The following PGC variants were observed in gnomAD, a reference collection of about 807,000 sequenced individuals.
PGC encodes the protein progastricsin.
In PGC, 31 loss-of-function variants were observed where a neutral mutation model predicts 45.9. That is an observed-to-expected ratio of 0.67 (90% confidence interval 0.51 to 0.91). The LOEUF is 0.91. PGC is among the 40% of genes least tolerant of loss of function. The probability of loss-of-function intolerance (pLI) is 0.00; values close to 1 mark genes in which losing one functional copy is unlikely to be tolerated. For missense variants in PGC, 477 were observed against 493.2 expected, an observed-to-expected ratio of 0.97 and a Z score of 0.31; for synonymous variants, 192 against 201.8, an observed-to-expected ratio of 0.95 and a Z score of 0.41.
Position 41,742,391 on chromosome 6 carries a change from CA to C in PGC, c.545del (p.Leu182ArgfsTer108). 4 of 1,614,162 alleles carry C rather than the reference CA, an allele frequency of 2.5e-6. No individual in the cohort carries two copies. The highest frequency in any genetic ancestry group is 3.4e-6 in the Non-Finnish European group (4 of 1,180,022). ...CATCCACGGACAGAGCAGGGTAGGC[CA>C]GGCCCATGATGCCATCAAACTGCGC... ...VYAQFDGIMG[L>X]AYPALSVDEA... On this transcript the variant is annotated frameshift_variant, in exon 5 of 9. Coordinates refer to ENST00000373025, the MANE Select transcript of PGC (RefSeq NM_002630.4). LOFTEE classifies it high-confidence loss of function.
At chr6:41,745,113 C>G (rs1319223722) in intron 1 of PGC, among the ~76,000 whole-genome samples, 2 of 152,138 alleles carry the variant, frequency 1.3e-5, no homozygotes, top group Non-Finnish European at 2.9e-5. Flanking sequence ...ATTCATTTCA[C>G]CATGCATGCA....
At chr6:41,738,255 T>TATATATGCATATATATATGC (rs1771753548) in intron 7 of PGC, among the ~76,000 whole-genome samples, 1 of 10,284 alleles carries the variant, frequency 9.7e-5, no homozygotes, top group Non-Finnish European at 2.6e-4. Context: ...TATATGCATA[T>TATATATGCATATATATATGC]ATATATATGC....
At chr6:41,738,146 A>ATATATATATGCATATATATACG (rs1771728457) in intron 7 of PGC, among the ~76,000 whole-genome samples, 2 of 56,220 alleles carry the variant, frequency 3.6e-5, no homozygotes, top group African/African-American at 1.3e-4. Flanking sequence ...ATATATATGC[A>ATATATATATGCATATATATACG]TATATATATA....
chr6:41,745,833 G>A (rs1022852784), intron 1 of PGC, among the ~76,000 whole-genome samples: 1 of 151,636 alleles, frequency 6.6e-6, no homozygotes, highest in Non-Finnish European at 1.5e-5. Flanking sequence ...ACAGGCGTGA[G>A]CCACTGCGCC....
intron 1 of PGC, among the ~76,000 whole-genome samples, chr6:41,746,335 G>C (rs942986892): frequency 4.6e-5 from 7 of 152,190 alleles, no homozygotes; most frequent in Non-Finnish European, 1.0e-4. Context: ...GCTGCTAATC[G>C]CATGGCCTAG....
chr6:41,744,301 C>G lies in PGC; in HGVS notation c.328+96G>C. 1 of 812,140 alleles carries G rather than the reference C, an allele frequency of 1.2e-6. No individual in the cohort carries two copies. Among genetic ancestry groups the G allele is most frequent in the Middle Eastern group, 3.9e-4 (1 of 2,596 alleles). 50.3% of individuals were successfully genotyped at this position (812,140 alleles called of 1,614,324 possible). A position where few individuals can be genotyped will look rare whatever the true frequency, so the allele number is the denominator to read the frequency against. ...TGGTCCTCCCCAGGACTGAGCTCCC[C>G]TCAGTCCTGAGCTCCCTCTGGAAGT... is the stretch of plus-strand genomic sequence containing the variant. On this transcript the variant is annotated intron_variant, in intron 3 of 8. Transcript: ENST00000373025. This position sits in a 1 kb window ranked among gnomAD's most constrained non-coding sequence, Gnocchi z 4.4.
chr6:41,740,789 G>T (rs1447574946), intron 5 of PGC, 179 bp from the exon 6 acceptor site: 3 of 1,428,936 alleles, frequency 2.1e-6, no homozygotes, highest in African/African-American at 1.4e-5. Context: ...GTATCCCTTA[G>T]ATTGGAGCTC....
chr6:41,737,650 G>A (rs1459673439), intron 8 of PGC, 80 bp downstream of exon 8: 11 of 812,642 alleles, frequency 1.4e-5, no homozygotes, highest in Non-Finnish European at 2.2e-5. Flanking sequence ...CACAAGGCAG[G>A]AGACCCAGCA....
At chr6:41,741,885 T>A in intron 5 of PGC, 1 of 1,423,644 alleles carries the variant, frequency 7.0e-7, no homozygotes, top group Non-Finnish European at 9.6e-7. Context: ...TACATTACTA[T>A]GCAAAAGAGG....
At chr6:41,741,102 G>A in intron 5 of PGC, 3 of 1,537,094 alleles carry the variant, frequency 2.0e-6, no homozygotes, top group Non-Finnish European at 2.6e-6. Flanking sequence ...CCCCACCCCG[G>A]CCCAGCTTGT....
chr6:41,745,740 G>A (rs1771920286), intron 1 of PGC, among the ~76,000 whole-genome samples: 1 of 150,682 alleles, frequency 6.6e-6, no homozygotes, highest in Non-Finnish European at 1.5e-5. Flanking sequence ...GTAGAGATAG[G>A]GTTTCTCTAT....
intron 4 of PGC, among the ~76,000 whole-genome samples, 173 bp from the exon 5 acceptor site, chr6:41,742,662 G>A (rs1386598932): frequency 1.3e-5 from 2 of 152,136 alleles, no homozygotes; most frequent in Non-Finnish European, 2.9e-5. Context: ...GTCTCGCCCT[G>A]TCACCAGGCT....
At position 41,743,318 on chromosome 6, in the gene PGC, A is replaced by G. The variant is rs1291284141; in HGVS notation, c.400T>C (p.Tyr134His). ...STNGQTFSLQ[Y>H]GSGSLTGFFG... ...AAGCCGGTGAGGCTGCCACTGCCAT[A>G]CTGCAGGGAGAAGGTCTGCCCATTG... The change falls in exon 4 of 9, where the codon TAT (tyrosine) becomes CAT (histidine). Residue 134 changes from tyrosine (Y) to histidine (H), a missense_variant. Tyr to His is a moderately conservative substitution (Grantham distance 83). Transcript: ENST00000373025. The G allele has an allele frequency of 5.6e-6, 9 of 1,613,898 alleles. No homozygotes were observed. Among genetic ancestry groups the G allele is most frequent in the Non-Finnish European group, 7.6e-6 (9 of 1,179,902 alleles).
chr6:41,745,777 G>A (rs1264738779), intron 1 of PGC, among the ~76,000 whole-genome samples: 1 of 150,622 alleles, frequency 6.6e-6, no homozygotes, highest in Non-Finnish European at 1.5e-5. Context: ...TCAAACTCCC[G>A]ACCTCAAATG....
chr6:41,745,516 G>A (rs1771914705), intron 1 of PGC, among the ~76,000 whole-genome samples: 1 of 150,732 alleles, frequency 6.6e-6, no homozygotes, highest in Admixed American at 6.6e-5. Flanking sequence ...GGCATTACAG[G>A]TGTGAGCCAC....
At chr6:41,738,225 T>C (rs1426266759) in intron 7 of PGC, among the ~76,000 whole-genome samples, 12 of 19,130 alleles carry the variant, frequency 6.3e-4, no homozygotes, top group South Asian at 1.5e-3. Flanking sequence ...CATATATATA[T>C]GCATATATAT....
At position 41,736,724 on chromosome 6, in the gene PGC, T is replaced by A; in HGVS notation, c.*128A>T. On this transcript the variant is annotated 3_prime_UTR_variant, in exon 9 of 9. Coordinates refer to ENST00000373025, the MANE Select transcript of PGC (RefSeq NM_002630.4). ...GGATGACCAACATAAAGAAGAACTATTTATTATTAGAGAAAGTCCAGAGTC... is the reference window on the plus strand; with the variant it reads ...GGATGACCAACATAAAGAAGAACTAATTATTATTAGAGAAAGTCCAGAGTC... 1.0e-6 allele frequency: 1 copy of A among 999,916 alleles called. No individual in the cohort carries two copies. The highest frequency in any genetic ancestry group is 1.6e-6 in the Non-Finnish European group (1 of 631,104). The allele number at this position is 999,916 out of a possible 1,614,324, so 61.9% of individuals were successfully genotyped here. A position where few individuals can be genotyped will look rare whatever the true frequency, so the allele number is the denominator to read the frequency against.
chr6:41,745,072 T>C (rs1771907319), intron 1 of PGC, among the ~76,000 whole-genome samples: 1 of 152,022 alleles, frequency 6.6e-6, no homozygotes, highest in Non-Finnish European at 1.5e-5. Flanking sequence ...ACAAAGCTCT[T>C]CTCAGCACTT....
intron 6 of PGC, 111 bp downstream of exon 6, chr6:41,740,380 G>T: frequency 1.8e-5 from 25 of 1,367,376 alleles, no homozygotes; most frequent in Non-Finnish European, 2.3e-5. Flanking sequence ...GTAAGCCTCA[G>T]GGGTCCTCTG....
Sources: gnomAD v4.1 joint callset for allele counts (sites outside exome capture counted in the v4.1 genomes callset) on GRCh38, gnomAD v4.1.1 for gene constraint, Gnocchi (gnomAD v3.1) non-coding constraint, MANE v1.5 for transcripts, NCBI Gene and HGNC (gene_info 2026-07-23, HGNC 2026-07-21) for gene names.